Variants in WDR70 observed in about 807,000 individuals in gnomAD.
WDR70 encodes the protein WD repeat-containing protein 70.
Under a neutral mutation model 88.6 loss-of-function variants are expected in WDR70, and 53 were observed. The observed-to-expected ratio is 0.60, with a 90% CI of 0.48 to 0.75. The LOEUF (loss-of-function observed/expected upper bound fraction) is 0.75, where lower values mean the gene tolerates loss of function less well. Among genes scored for constraint, WDR70 ranks in the 30% least tolerant of loss-of-function variants. The pLI, the probability that WDR70 is intolerant of heterozygous loss-of-function variation, is 0.00. For synonymous variants in WDR70, 280 were observed against 270.0 expected, an observed-to-expected ratio of 1.04 and a Z score of -0.36; for missense variants, 610 against 823.2, an observed-to-expected ratio of 0.74 and a Z score of 3.17.
chr5:37,439,810 G>A (rs775678978), intron 6 of WDR70, among the ~76,000 whole-genome samples: 14 of 151,172 alleles, frequency 9.3e-5, no homozygotes, highest in Non-Finnish European at 1.6e-4. Flanking sequence ...TAGTCCCCCC[G>A]TCCCCACCTT....
chr5:37,631,533 T>C (rs1422084300), intron 10 of WDR70, among the ~76,000 whole-genome samples: 2 of 152,224 alleles, frequency 1.3e-5, no homozygotes, highest in African/African-American at 2.4e-5. Flanking sequence ...ATGTACTAGC[T>C]CATTTTATAG....
At chr5:37,655,485 C>T (rs1193367192) in intron 10 of WDR70, among the ~76,000 whole-genome samples, 1 of 152,120 alleles carries the variant, frequency 6.6e-6, no homozygotes, top group Admixed American at 6.5e-5. Context: ...GATGGCCTCT[C>T]TTGCCAGGAT....
At chr5:37,563,152 T>TG (rs1294675742) in intron 9 of WDR70, among the ~76,000 whole-genome samples, 1 of 57,860 alleles carries the variant, frequency 1.7e-5, no homozygotes, top group Non-Finnish European at 4.2e-5. Flanking sequence ...CCCTCCCGGA[T>TG]GGGGGGGCTG....
rs1448961363 is a variant in WDR70, at chr5:37,516,704, A to ATT, written c.917+115_917+116dup. The ATT allele has an allele frequency of 3.0e-4, 72 of 237,080 alleles. 2 individuals carry two copies. Among genetic ancestry groups the ATT allele is most frequent in the South Asian group, 2.3e-3 (17 of 7,276 alleles). The allele number at this position is 237,080 out of a possible 1,614,324, so 14.7% of individuals were successfully genotyped here. On this transcript the variant is annotated intron_variant, in intron 9 of 17. Coordinates refer to ENST00000265107, the MANE Select transcript of WDR70 (RefSeq NM_018034.4). Reference sequence around the variant, plus strand: ...AGTAAGTGGAATATTAGGAATTCTTATTATATACATATATATATATATTTT... The same window carrying ATT: ...AGTAAGTGGAATATTAGGAATTCTTATTTTATATACATATATATATATATTTT...
chr5:37,607,564 T>C (rs542152118), intron 10 of WDR70, among the ~76,000 whole-genome samples: 3 of 152,338 alleles, frequency 2.0e-5, no homozygotes, highest in East Asian at 3.9e-4. Context: ...TAGAGTTATA[T>C]TGGTCAATAT....
intron 8 of WDR70, among the ~76,000 whole-genome samples, chr5:37,508,373 A>T (rs1444920800): frequency 6.6e-6 from 1 of 152,208 alleles, no homozygotes; most frequent in Non-Finnish European, 1.5e-5. Flanking sequence ...GGGATCCCTC[A>T]CCAACTTCCA....
chr5:37,641,219 G>A (rs1297235309), intron 10 of WDR70, among the ~76,000 whole-genome samples: 6 of 151,614 alleles, frequency 4.0e-5, no homozygotes, highest in African/African-American at 1.2e-4. Flanking sequence ...GGGTTCAAAC[G>A]ATTCTCATGC....
chr5:37,508,017 T>G (rs1350488488), intron 8 of WDR70, among the ~76,000 whole-genome samples: 1 of 152,162 alleles, frequency 6.6e-6, no homozygotes, highest in African/African-American at 2.4e-5. Flanking sequence ...ACATTGAATG[T>G]GAATGTGGTG....
intron 10 of WDR70, among the ~76,000 whole-genome samples, chr5:37,660,352 T>G (rs895270773): frequency 6.6e-6 from 1 of 152,124 alleles, no homozygotes; most frequent in African/African-American, 2.4e-5. Context: ...CATGTCAGCC[T>G]ATATCTATTG....
At chr5:37,518,271 T>C (rs576927686) in intron 9 of WDR70, among the ~76,000 whole-genome samples, 123 of 152,290 alleles carry the variant, frequency 8.1e-4, no homozygotes, top group Non-Finnish European at 1.4e-3. Context: ...GTCACTCTGT[T>C]ATGCTATCAA....
chr5:37,402,241 T>A (rs1309013585), intron 5 of WDR70, among the ~76,000 whole-genome samples: 1 of 152,134 alleles, frequency 6.6e-6, no homozygotes, highest in Non-Finnish European at 1.5e-5. Flanking sequence ...AACTCATGTT[T>A]GTTACTGCAT....
intron 7 of WDR70, among the ~76,000 whole-genome samples, chr5:37,467,056 C>T (rs139648731): frequency 0.1 from 15,651 of 151,738 alleles, 942 homozygotes; most frequent in South Asian, 0.19. Context: ...GGCAGCATGG[C>T]AAAACCTTGT....
intron 4 of WDR70, among the ~76,000 whole-genome samples, chr5:37,392,501 T>A (rs180697106): frequency 1.2e-3 from 181 of 152,068 alleles, no homozygotes; most frequent in African/African-American, 4.3e-3. Flanking sequence ...AGACGTGCAC[T>A]ACCACGGCCG....
chr5:37,714,022 T>C (rs7737381), intron 13 of WDR70, among the ~76,000 whole-genome samples: 4,905 of 152,276 alleles, frequency 0.032, 270 homozygotes, highest in African/African-American at 0.11. Context: ...TGATAGATAG[T>C]GGTCTTGTAG....
chr5:37,672,577 G>A (rs1746060100), intron 10 of WDR70, among the ~76,000 whole-genome samples: 1 of 152,096 alleles, frequency 6.6e-6, no homozygotes. Flanking sequence ...GCACATCCAG[G>A]CATAGTACCT....
chr5:37,525,102 T>C (rs894238300), intron 9 of WDR70, among the ~76,000 whole-genome samples: 8 of 152,142 alleles, frequency 5.3e-5, no homozygotes, highest in Admixed American at 2.0e-4. Context: ...TATCCAGGAA[T>C]AGAACTCAGC....
intron 13 of WDR70, among the ~76,000 whole-genome samples, chr5:37,712,408 T>C (rs1747540675): frequency 6.6e-6 from 1 of 152,250 alleles, no homozygotes; most frequent in Non-Finnish European, 1.5e-5. Context: ...TTGGGTTCAT[T>C]AGAGGAAACA....
At chr5:37,517,198 T>G (rs965133652) in intron 9 of WDR70, among the ~76,000 whole-genome samples, 1 of 152,194 alleles carries the variant, frequency 6.6e-6, no homozygotes, top group Non-Finnish European at 1.5e-5. Flanking sequence ...ATTATTACTT[T>G]GTATAATAAA....
chr5:37,494,503 A>G (rs1435145289), intron 8 of WDR70, among the ~76,000 whole-genome samples: 1 of 152,190 alleles, frequency 6.6e-6, no homozygotes, highest in East Asian at 1.9e-4. Flanking sequence ...ACTTCATTGT[A>G]GATTCAACAA....
Sources: allele counts gnomAD v4.1 joint callset (sites outside exome capture counted in the v4.1 genomes callset), GRCh38; gene constraint gnomAD v4.1.1; transcripts MANE v1.5; gene names NCBI Gene and HGNC (gene_info 2026-07-23, HGNC 2026-07-21).